TSPAN1: variants seen among roughly 807,000 people sequenced by gnomAD.
TSPAN1 encodes the protein tetraspanin-1.
A neutral mutation model predicts 26.9 loss-of-function variants in TSPAN1; 23 were observed. The observed-to-expected ratio is 0.85, with a 90% confidence interval of 0.62 to 1.21. TSPAN1 has a LOEUF of 1.21. TSPAN1 is among the 50% of genes most tolerant of loss of function. The pLI, the probability that TSPAN1 is intolerant of heterozygous loss-of-function variation, is 0.00. For missense variants in TSPAN1, 283 were observed against 298.4 expected, an observed-to-expected ratio of 0.95 and a Z score of 0.38; for synonymous variants, 115 against 114.8, an observed-to-expected ratio of 1.00 and a Z score of -0.01.
chr1:46,176,498 CTGGGGGG>C, intron 1 of TSPAN1: 1 of 1,533,632 alleles, frequency 6.5e-7, no homozygotes, highest in African/African-American at 1.4e-5. Flanking sequence ...TGCAGTGTGC[CTGGGGGG>C]TGCTGTTGGC....
At chr1:46,176,539 C>A in intron 1 of TSPAN1, 1 of 1,508,770 alleles carries the variant, frequency 6.6e-7, no homozygotes, top group Non-Finnish European at 8.8e-7. Flanking sequence ...GCCTCTATGA[C>A]ATACAAAGTC....
the TSPAN1 span, chr1:46,193,799 A>AG: frequency 1.9e-6 from 3 of 1,609,496 alleles, no homozygotes; most frequent in Non-Finnish European, 2.5e-6. Context: ...TCCTGGAGGT[A>AG]GATGACCTAA....
intron 1 of TSPAN1, among the ~76,000 whole-genome samples, chr1:46,177,266 T>C (rs769031187): frequency 3.2e-4 from 49 of 151,016 alleles, no homozygotes; most frequent in Non-Finnish European, 6.2e-4. Flanking sequence ...ACCCAGGAGG[T>C]GGAGATTGCA....
At chr1:46,177,326 ACT>A (rs1396830117) in intron 1 of TSPAN1, among the ~76,000 whole-genome samples, 1 of 142,800 alleles carries the variant, frequency 7.0e-6, no homozygotes, top group Admixed American at 7.1e-5. Context: ...CAAGAGTGAA[ACT>A]CTGTCTCAAA....
chr1:46,192,196 T>G, the TSPAN1 span: 2 of 1,614,060 alleles, frequency 1.2e-6, no homozygotes, highest in African/African-American at 2.7e-5. Context: ...TGTTCAGGCA[T>G]CCGCATCCAC....
At chr1:46,178,150 A>G (rs893959014) in intron 1 of TSPAN1, among the ~76,000 whole-genome samples, 2 of 152,236 alleles carry the variant, frequency 1.3e-5, no homozygotes, top group East Asian at 3.9e-4. Flanking sequence ...TGAGGTCAGG[A>G]GCTCGAGAGC....
chr1:46,191,940 C>T, the TSPAN1 span: 53 of 1,263,630 alleles, frequency 4.2e-5, 1 homozygote, highest in Middle Eastern at 2.2e-3. Flanking sequence ...AGCCCTTTAT[C>T]CTCATTTTTC....
At chr1:46,192,913 C>G in the TSPAN1 span, 106 of 1,614,090 alleles carry the variant, frequency 6.6e-5, no homozygotes, top group Non-Finnish European at 8.8e-5. Flanking sequence ...AAAAAATCCA[C>G]AGCAATGTCC....
downstream of TSPAN1, chr1:46,189,225 C>T (rs1274088437): frequency 6.3e-7 from 1 of 1,585,618 alleles, no homozygotes; most frequent in African/African-American, 1.4e-5. Context: ...GCTAGCCAGC[C>T]TGGGGGTACA....
At chr1:46,190,333 C>T (rs758594361), downstream of TSPAN1, 18 of 1,170,230 alleles carry the variant, frequency 1.5e-5, no homozygotes, top group Admixed American at 3.4e-5. Context: ...CGTGAGCCAC[C>T]GCGCCCGGCC....
the TSPAN1 span, chr1:46,191,746 T>C: frequency 8.5e-6 from 3 of 351,158 alleles, no homozygotes; most frequent in South Asian, 2.2e-5. Flanking sequence ...GCCATTCTCC[T>C]GCCTCAGCCT....
At chr1:46,175,686 C>G (rs1557662060) in intron 1 of TSPAN1, 1 of 399,750 alleles carries the variant, frequency 2.5e-6, no homozygotes, top group Non-Finnish European at 4.4e-6. Flanking sequence ...TGGAAGTTCC[C>G]TGCCTCTTGG....
chr1:46,193,124 G>A, the TSPAN1 span: 3 of 1,612,468 alleles, frequency 1.9e-6, no homozygotes, highest in Admixed American at 3.3e-5. Flanking sequence ...CAGACCTTAT[G>A]CCCATGTTTC....
At chr1:46,191,902 G>C in the TSPAN1 span, 1 of 792,834 alleles carries the variant, frequency 1.3e-6, no homozygotes, top group Non-Finnish European at 1.9e-6. Flanking sequence ...CCAAAGTGCT[G>C]GGATTACAGG....
chr1:46,194,681 G>C, the TSPAN1 span: 2 of 1,614,242 alleles, frequency 1.2e-6, no homozygotes, highest in Non-Finnish European at 1.7e-6. Context: ...AGGGCCATGG[G>C]GGCCCAGACA....
chr1:46,176,302 T>G (rs761836392), intron 1 of TSPAN1: 106 of 1,535,686 alleles, frequency 6.9e-5, no homozygotes, highest in Non-Finnish European at 9.1e-5. Context: ...GGTGGCAGGA[T>G]TGATGGCTGC....
chr1:46,194,377 G>C, the TSPAN1 span: 1 of 1,614,232 alleles, frequency 6.2e-7, no homozygotes, highest in Non-Finnish European at 8.5e-7. Context: ...GTTCAGCTCT[G>C]TGTCTGCCCA....
downstream of TSPAN1, chr1:46,189,661 GA>G: frequency 2.6e-6 from 4 of 1,553,960 alleles, no homozygotes; most frequent in Non-Finnish European, 3.5e-6. Context: ...CCCCTCCTCA[GA>G]AACCACCTCA....
At chr1:46,181,192 G>C (rs1657307889) in intron 3 of TSPAN1, 28 bp downstream of exon 3, 2 of 1,604,656 alleles carry the variant, frequency 1.2e-6, no homozygotes, top group Non-Finnish European at 8.5e-7. Context: ...GGACTCTTTG[G>C]GGCTCCCTAT....
Sources: allele counts gnomAD v4.1 joint callset (sites outside exome capture counted in the v4.1 genomes callset), GRCh38; gene constraint gnomAD v4.1.1; transcripts MANE v1.5; gene names NCBI Gene and HGNC (gene_info 2026-07-23, HGNC 2026-07-21).